KRT25: variants seen among roughly 807,000 people sequenced by gnomAD.
KRT25 encodes the protein keratin 25.
Under a neutral mutation model 47.6 loss-of-function variants are expected in KRT25, and 37 were observed. The ratio of observed to expected loss-of-function variants is 0.78; its 90% CI spans 0.60 to 1.02. The LOEUF (loss-of-function observed/expected upper bound fraction) is 1.02. Among genes scored for constraint, KRT25 ranks in the 50% least tolerant of loss-of-function variants. KRT25 has a pLI of 0.00. For synonymous variants in KRT25, 203 were observed against 210.2 expected, an observed-to-expected ratio of 0.97 and a Z score of 0.30; for missense variants, 542 against 550.3, an observed-to-expected ratio of 0.98 and a Z score of 0.15.
chr17:40,754,790 C>T, intron 1 of KRT25, 53 bp downstream of exon 1: 1 of 1,294,458 alleles, frequency 7.7e-7, no homozygotes, highest in Non-Finnish European at 1.0e-6. Context: ...GAAAGGAAAA[C>T]AAAATTTAGA....
Position 40,754,392 on chromosome 17 carries a change from C to A in KRT25, c.506G>T (p.Arg169Ile). ...DNARLTADDF[R>I]LKYENELALH... ...ACTCTGGCAGTCTACTTACTTGAGT[C>A]TGAAATCATCAGCTGTAAGCCTGGC... is the stretch of plus-strand genomic sequence containing the variant. Residue 169 changes from arginine (R) to isoleucine (I), a missense_variant, in exon 2 of 8, where the codon AGA (arginine) becomes ATA (isoleucine). Coordinates refer to ENST00000312150, the MANE Select transcript of KRT25 (RefSeq NM_181534.4). The A allele has an allele frequency of 1.2e-6, 2 of 1,613,182 alleles. No individual in the cohort carries two copies. The highest frequency in any genetic ancestry group is 2.2e-5 in the South Asian group (2 of 91,020).
rs1185939989 is a variant in KRT25 at position 40,751,308 on chromosome 17, A to C, written c.688T>G (p.Cys230Gly). The C allele has an allele frequency of 1.1e-5, 17 of 1,610,948 alleles. No homozygotes were observed. In the East Asian group the frequency reaches 3.6e-4, roughly 34 times the overall value. Residue 230 changes from cysteine (C) to glycine (G), a missense_variant, in exon 4 of 8, where the codon TGC becomes GGC. Coordinates refer to ENST00000312150, the MANE Select transcript of KRT25 (RefSeq NM_181534.4). ...NHKEEMQVLQCAAGGNVNVEM... is the reference protein window; with the variant it reads ...NHKEEMQVLQGAAGGNVNVEM... Reference sequence around the variant, plus strand: ...ACGTTCACGTTGCCTCCAGCTGCGCACTGCAGAACTTGCATTTCCTAGAGG... The same window carrying C: ...ACGTTCACGTTGCCTCCAGCTGCGCCCTGCAGAACTTGCATTTCCTAGAGG...
chr17:40,749,231 T>C (rs1265846929), intron 7 of KRT25, 27 bp downstream of exon 7: 5 of 1,566,344 alleles, frequency 3.2e-6, no homozygotes, highest in Non-Finnish European at 4.4e-6. Context: ...AAAATTAGCA[T>C]TGCACAACAG....
At chr17:40,753,101 T>C (rs1423555000) in intron 3 of KRT25, among the ~76,000 whole-genome samples, 1 of 152,242 alleles carries the variant, frequency 6.6e-6, no homozygotes, top group Non-Finnish European at 1.5e-5. Context: ...GCGTTAAGTA[T>C]GTATACTTAA....
chr17:40,755,508 C>T (rs1407825355), upstream of KRT25, among the ~76,000 whole-genome samples: 5 of 152,010 alleles, frequency 3.3e-5, no homozygotes, highest in Non-Finnish European at 4.4e-5. Context: ...GGGCAGTTGC[C>T]CTCAGGTTGG....
In KRT25 at chr17:40,754,451, G is replaced by A; in HGVS notation, c.447C>T (p.Thr149=). 6.2e-7 allele frequency: 1 copy of A among 1,613,876 alleles called. No homozygotes were observed. Among genetic ancestry groups the A allele is most frequent in the Non-Finnish European group, 8.5e-7 (1 of 1,179,834 alleles). The part of the protein sequence containing the change: ...DLKNQIIAST[T]SNANAVLQID... ...TCTGCAGAACAGCATTAGCATTGCTGGTGGTGGATGCGATGATCTAGAAAT... is the reference window on the plus strand; with the variant it reads ...TCTGCAGAACAGCATTAGCATTGCTAGTGGTGGATGCGATGATCTAGAAAT... Residue 149 remains threonine (T), a synonymous_variant, in exon 2 of 8, where the codon ACC becomes ACT. Transcript: ENST00000312150.
rs1454759311 is a variant in KRT25, at chr17:40,755,092, T to TC, written c.179dup (p.Gly61ArgfsTer2). On this transcript the variant is annotated frameshift_variant, in exon 1 of 8. Coordinates refer to ENST00000312150, the MANE Select transcript of KRT25 (RefSeq NM_181534.4). LOFTEE classifies it high-confidence loss of function. ...CAGTGAAGCCAGCACAGGGATTACC[T>TC]CCCCCTGTGTTTCCTCCCGATGAGC... The TC allele has an allele frequency of 3.7e-6, 6 of 1,613,826 alleles. No individual in the cohort carries two copies. The East Asian group carries it at 6.7e-5, about 18-fold the overall frequency.
intron 5 of KRT25, among the ~76,000 whole-genome samples, 161 bp downstream of exon 5, chr17:40,750,793 G>A (rs1316628118): frequency 1.3e-5 from 2 of 152,146 alleles, no homozygotes; most frequent in East Asian, 3.8e-4. Context: ...AAAGACATTC[G>A]TGTAGTTTTA....
At position 40,750,630 on chromosome 17, in the gene KRT25, G is replaced by A. The variant is rs557816229; in HGVS notation, c.958-33C>T. 4.4e-6 allele frequency: 7 copies of A among 1,607,018 alleles called. No individual in the cohort carries two copies. The South Asian group carries it at 5.5e-5, about 13-fold the overall frequency. On this transcript the variant is annotated intron_variant, in intron 5 of 7. Transcript: ENST00000312150. ...GAAGCAATAAAGAGAACTTGAAATGGATATGCAGATATGCAGGGATTTCTT... is the reference window on the plus strand; with the variant it reads ...GAAGCAATAAAGAGAACTTGAAATGAATATGCAGATATGCAGGGATTTCTT...
intron 3 of KRT25, 129 bp from the exon 4 acceptor site, chr17:40,751,455 CCA>C (rs1030419070): frequency 1.6e-5 from 15 of 965,254 alleles, no homozygotes; most frequent in Non-Finnish European, 2.2e-5. Context: ...CCCCCTCCCA[CCA>C]CATTTGATAC....
Position 40,748,403 on chromosome 17 carries a change from A to G in KRT25, c.1244-17T>C. On this transcript the variant is annotated splice_polypyrimidine_tract_variant and intron_variant, in intron 7 of 7. Coordinates refer to ENST00000312150, the MANE Select transcript of KRT25 (RefSeq NM_181534.4). ...TGGCTGGGTCTGAGCATTAAAAATTAAAAGGAGATTTTATGTAGTTAAAAA... is the reference window on the plus strand; with the variant it reads ...TGGCTGGGTCTGAGCATTAAAAATTGAAAGGAGATTTTATGTAGTTAAAAA... 6.7e-7 allele frequency: 1 copy of G among 1,486,312 alleles called. No homozygotes were observed. 92.1% of individuals were successfully genotyped at this position (1,486,312 alleles called of 1,614,324 possible). A position where few individuals can be genotyped will look rare whatever the true frequency, so the allele number is the denominator to read the frequency against.
In KRT25 at chr17:40,754,970, T is replaced by C. The variant is rs746932634; in HGVS notation, c.302A>G (p.Glu101Gly). 6.2e-7 allele frequency: 1 copy of C among 1,614,150 alleles called. No homozygotes were observed. Among genetic ancestry groups the C allele is most frequent in the Admixed American group, 1.7e-5 (1 of 60,022 alleles). ...ASYLDSVHAL[E>G]EANADLEQKI... is the part of the protein sequence containing the mutation. The stretch of plus-strand genomic sequence containing the variant: ...CTGCTCCAGGTCAGCGTTGGCCTCC[T>C]CCAGAGCATGCACACTGTCCAGGTA... Residue 101 changes from glutamate (E) to glycine (G), a missense_variant, in exon 1 of 8, where the codon GAG (glutamate) becomes GGG (glycine). Transcript: ENST00000312150.
chr17:40,753,284 G>A (rs1567663636), intron 3 of KRT25, among the ~76,000 whole-genome samples: 1 of 151,420 alleles, frequency 6.6e-6, no homozygotes. Flanking sequence ...TAATTACACA[G>A]CCAAACACTG....
chr17:40,749,351 G>A, intron 6 of KRT25, 26 bp from the exon 7 acceptor site: 2 of 1,525,470 alleles, frequency 1.3e-6, no homozygotes, highest in Non-Finnish European at 1.8e-6. Context: ...AAAAGAGGGT[G>A]ATTTAGAGAG....
In KRT25 at chr17:40,750,962, G is replaced by C. The variant is rs2038040352; in HGVS notation, c.949C>G (p.Leu317Val). 1 of 1,614,190 alleles carries C rather than the reference G, an allele frequency of 6.2e-7. No individual in the cohort carries two copies. Among genetic ancestry groups the C allele is most frequent in the Non-Finnish European group, 8.5e-7 (1 of 1,180,024 alleles). ...AATTGTTCTTTTCATACCGTGGCTA[G>C]GAGAGACTGAAGTTCAATTTCCAGG... Reference protein sequence around the residue: ...QTLEIELQSLLATKHSLECSL... With the variant: ...QTLEIELQSLVATKHSLECSL... Residue 317 changes from leucine (L) to valine (V), a missense_variant, in exon 5 of 8, where the codon CTA (leucine) becomes GTA (valine). Coordinates refer to ENST00000312150, the MANE Select transcript of KRT25 (RefSeq NM_181534.4).
chr17:40,754,272 T>C lies in KRT25; in HGVS notation c.512+114A>G. 3.3e-6 allele frequency: 3 copies of C among 917,348 alleles called. No homozygotes were observed. The South Asian group carries it at 4.5e-5, about 14-fold the overall frequency. 56.8% of individuals were successfully genotyped at this position (917,348 alleles called of 1,614,324 possible). On this transcript the variant is annotated intron_variant, in intron 2 of 7. Transcript: ENST00000312150. ...GTCAAAGCATAAAAAAGTAATAACA[T>C]CCTGTTTATGTGAAATTCAAGTGTT...
At chr17:40,753,671 GAGA>G (rs2038073499) in intron 3 of KRT25, among the ~76,000 whole-genome samples, 186 bp downstream of exon 3, 1 of 111,930 alleles carries the variant, frequency 8.9e-6, no homozygotes, top group African/African-American at 3.6e-5. Context: ...ACGGCAGAGC[GAGA>G]CTCCGTCTCA....
In KRT25 at chr17:40,748,256, C is replaced by T. The variant is rs141373767; in HGVS notation, c.*21G>A. The stretch of plus-strand genomic sequence containing the variant: ...TTCTTCGCAGGGGCTATGTGGCATA[C>T]GTTCTCTGTTGCATCTCAAATTAAT... On this transcript the variant is annotated 3_prime_UTR_variant, in exon 8 of 8. Transcript: ENST00000312150. 4.9e-5 allele frequency: 74 copies of T among 1,509,660 alleles called. No homozygotes were observed. Among genetic ancestry groups the T allele is most frequent in the African/African-American group, 1.1e-4 (8 of 72,444 alleles). The allele number at this position is 1,509,660 out of a possible 1,614,324, so 93.5% of individuals were successfully genotyped here. A position where few individuals can be genotyped will look rare whatever the true frequency, so the allele number is the denominator to read the frequency against.
chr17:40,751,756 C>T (rs560846881), intron 3 of KRT25, among the ~76,000 whole-genome samples: 2 of 152,216 alleles, frequency 1.3e-5, no homozygotes, highest in South Asian at 4.2e-4. Context: ...AGCTTTGGTG[C>T]AGTGTTAACT....
Sources: allele counts gnomAD v4.1 joint callset (sites outside exome capture counted in the v4.1 genomes callset), GRCh38; gene constraint gnomAD v4.1.1; transcripts MANE v1.5; gene names NCBI Gene and HGNC (gene_info 2026-07-23, HGNC 2026-07-21).